HTR2A: variants seen among roughly 807,000 people sequenced by gnomAD.
The protein encoded by HTR2A is 5-HT2 receptor.
A neutral mutation model predicts 31.0 loss-of-function variants in HTR2A; 14 were observed. The ratio of observed to expected loss-of-function variants is 0.45; its 90% CI spans 0.30 to 0.71. HTR2A has a LOEUF of 0.71. Ranked by LOEUF, HTR2A falls within the 30% of genes least tolerant of loss-of-function variation. The pLI, the probability that HTR2A is intolerant of heterozygous loss-of-function variation, is 0.09. For synonymous variants in HTR2A, 209 were observed against 225.2 expected, an observed-to-expected ratio of 0.93 and a Z score of 0.64; for missense variants, 442 against 573.3, an observed-to-expected ratio of 0.77 and a Z score of 2.34.
At position 46,833,129 on chromosome 13, in the gene HTR2A, G is replaced by A. The variant is rs1223259668; in HGVS notation, c.*1708C>T. On this transcript the variant is annotated 3_prime_UTR_variant, in exon 4 of 4. Transcript: ENST00000542664. ...TTATAAACTGGCTTGAGATTGAGGT[G>A]CGTATTTCTAAATTAATTGCAATGT... 2 of 152,124 alleles carry A rather than the reference G, an allele frequency of 1.3e-5. No individual in the cohort carries two copies. The highest frequency in any genetic ancestry group is 2.4e-5 in the African/African-American group (1 of 41,414). 9.4% of individuals were successfully genotyped at this position (152,124 alleles called of 1,614,324 possible). A position where few individuals can be genotyped will look rare whatever the true frequency, so the allele number is the denominator to read the frequency against.
chr13:46,896,779 C>T lies in HTR2A; in HGVS notation c.-434G>A, dbSNP rs897793590. 20 of 1,536,650 alleles carry T rather than the reference C, an allele frequency of 1.3e-5. No homozygotes were observed. The highest frequency in any genetic ancestry group is 3.3e-4 in the Middle Eastern group (2 of 6,012). ...AGAGTCCCCTCTTCTTGATCTTCCA[C>T]CAGCATAATATGATAGTAATTTGGT... On this transcript the variant is annotated 5_prime_UTR_variant, in exon 1 of 4. The change creates a new upstream start codon in the 5' untranslated region. Transcript: ENST00000542664.
chr13:46,849,653 T>C (rs1233060431), intron 3 of HTR2A, among the ~76,000 whole-genome samples: 1 of 152,228 alleles, frequency 6.6e-6, no homozygotes, highest in Non-Finnish European at 1.5e-5. Context: ...TCTCTACTGA[T>C]ATTACCATGG....
intron 3 of HTR2A, among the ~76,000 whole-genome samples, chr13:46,870,547 T>G (rs1181234244): frequency 4.6e-5 from 7 of 152,224 alleles, no homozygotes; most frequent in African/African-American, 1.7e-4. Context: ...GATTAAAACA[T>G]TTCTACTACT....
At position 46,835,364 on chromosome 13, in the gene HTR2A, G is replaced by A. The variant is rs376305063; in HGVS notation, c.889C>T (p.Arg297Trp). 1.4e-5 allele frequency: 23 copies of A among 1,613,900 alleles called. No individual in the cohort carries two copies. The highest frequency in any genetic ancestry group is 9.3e-5 in the African/African-American group (7 of 74,876). Residue 297 changes from arginine (R) to tryptophan (W), a missense_variant, in exon 4 of 4, where the codon CGG (arginine) becomes TGG (tryptophan). By Grantham distance (101) the Arg-to-Trp change is moderately radical. Coordinates refer to ENST00000542664, the MANE Select transcript of HTR2A (RefSeq NM_000621.5). ...SSLSSEKLFQ[R>W]SIHREPGSYT... ...GACCCTGGCTCCCTATGGATCGACC[G>A]CTGGAAGAGCTTTTCTGAAGACAAA...
rs769214879 is a variant in HTR2A, at chr13:46,831,702, A to C, written c.*3135T>G. The C allele has an allele frequency of 6.6e-6, 1 of 152,258 alleles. No homozygotes were observed. Among genetic ancestry groups the C allele is most frequent in the Non-Finnish European group, 1.5e-5 (1 of 68,048 alleles). 9.4% of individuals were successfully genotyped at this position (152,258 alleles called of 1,614,324 possible). A position where few individuals can be genotyped will look rare whatever the true frequency, so the allele number is the denominator to read the frequency against. On this transcript the variant is annotated 3_prime_UTR_variant, in exon 4 of 4. Coordinates refer to ENST00000542664, the MANE Select transcript of HTR2A (RefSeq NM_000621.5). ...CTTTATAAATATGTCTCATTGATGC[A>C]CAAATGGGAGGAGCACCCTTTGCTG...
intron 2 of HTR2A, among the ~76,000 whole-genome samples, chr13:46,893,071 T>G (rs899988385): frequency 6.6e-6 from 1 of 152,234 alleles, no homozygotes; most frequent in African/African-American, 2.4e-5. Context: ...TGGCAATAAA[T>G]TGCATTAGTG....
intron 3 of HTR2A, among the ~76,000 whole-genome samples, chr13:46,848,772 C>T (rs1049247048): frequency 6.6e-6 from 1 of 152,106 alleles, no homozygotes; most frequent in South Asian, 2.1e-4. Flanking sequence ...CTTTTCATGA[C>T]ATCAGAAGAG....
intron 3 of HTR2A, among the ~76,000 whole-genome samples, chr13:46,858,972 C>A (rs1286797631): frequency 6.6e-6 from 1 of 152,176 alleles, no homozygotes; most frequent in East Asian, 1.9e-4. Flanking sequence ...TTGATCCCTG[C>A]AAGGAACAGC....
In HTR2A at chr13:46,841,897, A is replaced by G. The variant is rs192527134; in HGVS notation, c.614-6258T>C. Among the ~76,000 whole-genome samples, 282 of 152,292 alleles carry G rather than the reference A, an allele frequency of 1.9e-3. 2 individuals are homozygous for G. Among genetic ancestry groups the G allele is most frequent in the Non-Finnish European group, 2.9e-3 (194 of 68,016 alleles). On this transcript the variant is annotated intron_variant, in intron 3 of 3. Coordinates refer to ENST00000542664, the MANE Select transcript of HTR2A (RefSeq NM_000621.5). ...TACCATTTCAGCCCCCAGACAATAT[A>G]TTACAAAACCCAAAGAGAATCTGAA...
At chr13:46,840,123 C>T (rs924276953) in intron 3 of HTR2A, among the ~76,000 whole-genome samples, 2 of 152,064 alleles carry the variant, frequency 1.3e-5, no homozygotes, top group African/African-American at 4.8e-5. Flanking sequence ...CAAACTGCTA[C>T]CTTTTCTTTG....
In HTR2A at chr13:46,892,564, G is replaced by A; in HGVS notation, c.439C>T (p.Leu147Phe). The A allele has an allele frequency of 6.2e-7, 1 of 1,614,202 alleles. No homozygotes were observed. The highest frequency in any genetic ancestry group is 8.5e-7 in the Non-Finnish European group (1 of 1,180,034). The change falls in exon 3 of 4, where the codon CTT becomes TTT. Residue 147 changes from leucine (L) to phenylalanine (F), a missense_variant. This residue lies in a region of HTR2A where 86 missense variants were observed against 179.1 expected (regional missense o/e 0.48). Transcript: ENST00000542664. ...TCCAGGTAAATCCAGACTGCACAAA[G>A]CTTGCTCGGCAGAGGCCACCGGTAC... ...YGYRWPLPSK[L>F]CAVWIYLDVL... is the part of the protein sequence containing the mutation.
At chr13:46,887,263 C>CA (rs954958035) in intron 3 of HTR2A, among the ~76,000 whole-genome samples, 2 of 150,522 alleles carry the variant, frequency 1.3e-5, no homozygotes, top group Non-Finnish European at 1.5e-5. Context: ...ACTAAAAATA[C>CA]AAAAAAAAAT....
intron 3 of HTR2A, among the ~76,000 whole-genome samples, chr13:46,871,871 T>C (rs971577184): frequency 6.6e-6 from 1 of 152,228 alleles, no homozygotes; most frequent in South Asian, 2.1e-4. Context: ...AATGGAATTA[T>C]AGAGCTGGAA....
intron 3 of HTR2A, among the ~76,000 whole-genome samples, chr13:46,883,264 A>AAGGTTAGGAAGGTCCTAACCTTC (rs146152899): frequency 0.17 from 25,357 of 151,944 alleles, 2,170 homozygotes; most frequent in East Asian, 0.25. Flanking sequence ...TAGGTCCAGG[A>AAGGTTAGGAAGGTCCTAACCTTC]AGGTTAGGAT....
chr13:46,886,738 G>A (rs1383908012), intron 3 of HTR2A, among the ~76,000 whole-genome samples: 1 of 152,166 alleles, frequency 6.6e-6, no homozygotes, highest in Non-Finnish European at 1.5e-5. Context: ...GAGCAAGAAA[G>A]CAAGGTAATA....
At position 46,848,776 on chromosome 13, in the gene HTR2A, A is replaced by G. The variant is rs1566303010; in HGVS notation, c.614-13137T>C. 3.3e-5 allele frequency among the ~76,000 whole-genome samples: 5 copies of G among 152,362 alleles called. No individual in the cohort carries two copies. The South Asian group carries it at 1.0e-3, about 32-fold the overall frequency. On this transcript the variant is annotated intron_variant, in intron 3 of 3. Transcript: ENST00000542664. ...AATCTAGTGTTCTTTTCATGACATC[A>G]GAAGAGTTTAGTTAGCTTTTTCATT...
intron 3 of HTR2A, among the ~76,000 whole-genome samples, chr13:46,848,143 T>A (rs1950657509): frequency 6.6e-6 from 1 of 152,180 alleles, no homozygotes; most frequent in African/African-American, 2.4e-5. Context: ...ATTTACTCCA[T>A]CTCCTAAAAA....
intron 3 of HTR2A, among the ~76,000 whole-genome samples, chr13:46,875,959 C>T (rs1200752236): frequency 1.3e-5 from 2 of 152,184 alleles, no homozygotes; most frequent in Non-Finnish European, 2.9e-5. Flanking sequence ...AAAAAGTCTT[C>T]AGCATTCTTT....
At chr13:46,847,185 C>T (rs1461224586) in intron 3 of HTR2A, among the ~76,000 whole-genome samples, 1 of 152,222 alleles carries the variant, frequency 6.6e-6, no homozygotes, top group Non-Finnish European at 1.5e-5. Flanking sequence ...TGACCTACGG[C>T]ATGATTTGTA....
Sources: gnomAD v4.1 joint callset for allele counts (sites outside exome capture counted in the v4.1 genomes callset) on GRCh38, gnomAD v4.1.1 for gene constraint, gnomAD v4.1.1 regional missense constraint, MANE v1.5 for transcripts, NCBI Gene and HGNC (gene_info 2026-07-23, HGNC 2026-07-21) for gene names.